Variants in ZNF804B observed in about 807,000 individuals in gnomAD.
The protein encoded by ZNF804B is zinc finger 804B.
Under a neutral mutation model 101.4 loss-of-function variants are expected in ZNF804B, and 80 were observed. The ratio of observed to expected loss-of-function variants is 0.79; its 90% CI spans 0.66 to 0.95. The LOEUF is 0.95. Among genes scored for constraint, ZNF804B ranks in the 40% least tolerant of loss-of-function variants. The pLI, the probability that ZNF804B is intolerant of heterozygous loss-of-function variation, is 0.00. For missense variants in ZNF804B, 1,673 were observed against 1,561.9 expected (o/e 1.07, Z -1.20); for synonymous variants, 622 against 558.8 (o/e 1.11, Z -1.59).
intron 1 of ZNF804B, among the ~76,000 whole-genome samples, chr7:89,111,395 C>T (rs955252994): frequency 2.6e-5 from 4 of 152,144 alleles, no homozygotes; most frequent in African/African-American, 7.2e-5. Flanking sequence ...TCCAGCATTT[C>T]GTGTCAGTGT....
At chr7:89,016,631 A>G (rs371386111) in intron 1 of ZNF804B, among the ~76,000 whole-genome samples, 1 of 151,358 alleles carries the variant, frequency 6.6e-6, no homozygotes, top group East Asian at 2.0e-4. Context: ...CAGGTTTGTC[A>G]AAGATCAGAT....
chr7:88,845,301 G>GCA (rs372272018), intron 1 of ZNF804B, among the ~76,000 whole-genome samples: 3,182 of 150,022 alleles, frequency 0.021, 45 homozygotes, highest in Middle Eastern at 0.032. Flanking sequence ...GCACGCGCGC[G>GCA]CACACACACA....
chr7:89,073,429 G>T (rs1204602481), intron 1 of ZNF804B, among the ~76,000 whole-genome samples: 1 of 152,016 alleles, frequency 6.6e-6, no homozygotes, highest in African/African-American at 2.4e-5. Flanking sequence ...TCCACATAAA[G>T]TTTTTATTAG....
chr7:89,229,788 T>C (rs1368504397), intron 2 of ZNF804B, among the ~76,000 whole-genome samples: 1 of 152,152 alleles, frequency 6.6e-6, no homozygotes, highest in Non-Finnish European at 1.5e-5. Flanking sequence ...ACGTAAAACA[T>C]TCACCAAGAA....
intron 1 of ZNF804B, among the ~76,000 whole-genome samples, chr7:88,786,758 T>G (rs1245182463): frequency 6.6e-6 from 1 of 152,124 alleles, no homozygotes; most frequent in African/African-American, 2.4e-5. Context: ...TTGATTTCCA[T>G]TTCAATAATG....
intron 1 of ZNF804B, among the ~76,000 whole-genome samples, chr7:88,976,174 T>C (rs1408654994): frequency 6.6e-6 from 1 of 151,534 alleles, no homozygotes; most frequent in Non-Finnish European, 1.5e-5. Flanking sequence ...TATTTTGAAG[T>C]CAGGTAATGT....
chr7:88,952,159 C>T (rs1317994581), intron 1 of ZNF804B, among the ~76,000 whole-genome samples: 1 of 151,602 alleles, frequency 6.6e-6, no homozygotes, highest in African/African-American at 2.4e-5. Context: ...TCGTAAAGTC[C>T]TATTGGCTTT....
chr7:89,005,990 A>T (rs1036554385), intron 1 of ZNF804B, among the ~76,000 whole-genome samples: 1 of 152,154 alleles, frequency 6.6e-6, no homozygotes. Context: ...GTGGATATCT[A>T]TGAACAATCT....
At chr7:88,981,754 G>A (rs1415374601) in intron 1 of ZNF804B, among the ~76,000 whole-genome samples, 1 of 151,934 alleles carries the variant, frequency 6.6e-6, no homozygotes, top group Non-Finnish European at 1.5e-5. Context: ...TGCTTTCCTT[G>A]TGATAGGGTT....
chr7:89,296,700 C>T lies in ZNF804B; in HGVS notation c.250-30644C>T, dbSNP rs57398480. Reference sequence around the variant, plus strand: ...ATTATCCACTCCAATTAACTATTAACGTAAGTTCTTTAATGTAGAGTCTCA... The same window carrying T: ...ATTATCCACTCCAATTAACTATTAATGTAAGTTCTTTAATGTAGAGTCTCA... On this transcript the variant is annotated intron_variant, in intron 2 of 3. Transcript: ENST00000333190. Among the ~76,000 whole-genome samples, 538 of 152,160 alleles carry T rather than the reference C, an allele frequency of 3.5e-3. 5 individuals are homozygous for T. The highest frequency in any genetic ancestry group is 0.012 in the African/African-American group (515 of 41,532).
intron 1 of ZNF804B, among the ~76,000 whole-genome samples, chr7:88,893,193 G>A (rs1225288697): frequency 2.0e-5 from 3 of 152,060 alleles, no homozygotes; most frequent in Non-Finnish European, 4.4e-5. Flanking sequence ...GATATGGTAA[G>A]CACATATGGA....
intron 1 of ZNF804B, among the ~76,000 whole-genome samples, chr7:88,912,274 TC>T (rs1341947664): frequency 1.3e-5 from 2 of 152,052 alleles, no homozygotes; most frequent in Admixed American, 6.6e-5. Context: ...GCTTGTCTTT[TC>T]ATTATTGACT....
chr7:88,917,809 G>A (rs1370249295), intron 1 of ZNF804B, among the ~76,000 whole-genome samples: 1 of 152,056 alleles, frequency 6.6e-6, no homozygotes, highest in Admixed American at 6.6e-5. Flanking sequence ...TTTCCATTCT[G>A]TTTTAGTAGA....
chr7:88,773,840 G>A (rs555232534), intron 1 of ZNF804B, among the ~76,000 whole-genome samples: 20 of 151,946 alleles, frequency 1.3e-4, no homozygotes, highest in African/African-American at 3.6e-4. Context: ...TTAAATGATC[G>A]GATCACCTGA....
intron 1 of ZNF804B, among the ~76,000 whole-genome samples, chr7:88,904,438 CTTTTTTGGTTCCACATGAA>C: frequency 6.6e-6 from 1 of 152,100 alleles, no homozygotes; most frequent in South Asian, 2.1e-4. Context: ...CTATTCAGGC[CTTTTTTGGTTCCACATGAA>C]TTAAAAAATT....
intron 1 of ZNF804B, among the ~76,000 whole-genome samples, chr7:89,212,749 C>A (rs950111945): frequency 4.6e-5 from 7 of 152,074 alleles, no homozygotes; most frequent in Admixed American, 3.9e-4. Flanking sequence ...TAAAGATTTC[C>A]TTTATAGGTG....
At chr7:89,231,193 T>C (rs554174076) in intron 2 of ZNF804B, among the ~76,000 whole-genome samples, 8 of 152,212 alleles carry the variant, frequency 5.3e-5, no homozygotes, top group African/African-American at 1.9e-4. Context: ...CCAACATAAC[T>C]TGAGGAAAAT....
intron 1 of ZNF804B, chr7:88,794,571 A>G: frequency 6.2e-7 from 1 of 1,613,732 alleles, no homozygotes; most frequent in East Asian, 2.2e-5. Context: ...GTTGAATAAA[A>G]AATACTGTTT....
intron 1 of ZNF804B, among the ~76,000 whole-genome samples, chr7:88,878,457 C>G (rs923699356): frequency 6.6e-6 from 1 of 152,080 alleles, no homozygotes; most frequent in African/African-American, 2.4e-5. Context: ...ACTCAGTATT[C>G]TCATCTGTAA....
Sources: gnomAD v4.1 joint callset for allele counts (sites outside exome capture counted in the v4.1 genomes callset) on GRCh38, gnomAD v4.1.1 for gene constraint, MANE v1.5 for transcripts, NCBI Gene and HGNC (gene_info 2026-07-23, HGNC 2026-07-21) for gene names.